LRP8: variants seen among roughly 807,000 people sequenced by gnomAD.
LRP8 encodes the protein LDL receptor related protein 8.
A neutral mutation model predicts 111.6 loss-of-function variants in LRP8; 46 were observed. The observed-to-expected ratio is 0.41, with a 90% CI of 0.33 to 0.53. LRP8 has a LOEUF of 0.53. Among genes scored for constraint, LRP8 ranks in the 20% least tolerant of loss-of-function variants. LRP8 has a pLI of 0.20. For synonymous variants in LRP8, 464 were observed against 511.2 expected (o/e 0.91, Z 1.24); for missense variants, 959 against 1,297.4 (o/e 0.74, Z 4.01).
chr1:53,262,689 C>A lies in LRP8; in HGVS notation c.1656-125G>T. The stretch of plus-strand genomic sequence containing the variant: ...TGTTTAGTAGGGACTGAGAAGACCT[C>A]TAAAGTTCTTTTGAACCATCAAATC... On this transcript the variant is annotated intron_variant, in intron 10 of 18. Coordinates refer to ENST00000306052, the MANE Select transcript of LRP8 (RefSeq NM_004631.5). This position sits in a 1 kb window ranked among gnomAD's most constrained non-coding sequence, Gnocchi z 4.8. 1.4e-6 allele frequency: 1 copy of A among 739,668 alleles called. No individual in the cohort carries two copies. Among genetic ancestry groups the A allele is most frequent in the Non-Finnish European group, 2.4e-6 (1 of 422,482 alleles). 45.8% of individuals were successfully genotyped at this position (739,668 alleles called of 1,614,324 possible).
intron 18 of LRP8, among the ~76,000 whole-genome samples, chr1:53,247,728 G>A (rs1335515266): frequency 6.6e-6 from 1 of 152,182 alleles, no homozygotes; most frequent in Non-Finnish European, 1.5e-5. Flanking sequence ...AAATTTGTTT[G>A]TTTATATCTT....
chr1:53,245,503 A>T lies in LRP8; in HGVS notation c.*1515T>A, dbSNP rs1471482374. ...TCTCCCTTCCTCCCCCAAGGCCAAG[A>T]AAAGCAAAGAAGATGTCTATAATGA... On this transcript the variant is annotated 3_prime_UTR_variant, in exon 19 of 19. Coordinates refer to ENST00000306052, the MANE Select transcript of LRP8 (RefSeq NM_004631.5). The T allele has an allele frequency of 6.6e-6, 1 of 152,252 alleles. No homozygotes were observed. The highest frequency in any genetic ancestry group is 1.9e-4 in the East Asian group (1 of 5,204). The allele number at this position is 152,252 out of a possible 1,614,324, so 9.4% of individuals were successfully genotyped here. A position where few individuals can be genotyped will look rare whatever the true frequency, so the allele number is the denominator to read the frequency against.
At chr1:53,247,137 G>T in intron 18 of LRP8, 81 bp from the exon 19 acceptor site, 1 of 1,122,010 alleles carries the variant, frequency 8.9e-7, no homozygotes, top group Non-Finnish European at 1.3e-6. Flanking sequence ...ACAGACTTAC[G>T]TTACTTTAAC....
intron 13 of LRP8, among the ~76,000 whole-genome samples, chr1:53,259,990 G>A (rs1242763446): frequency 2.0e-5 from 3 of 152,166 alleles, no homozygotes; most frequent in Non-Finnish European, 4.4e-5. Flanking sequence ...AGGATTCCTA[G>A]ATTCTATTCC....
chr1:53,264,097 A>G (rs1646452154), intron 10 of LRP8, 72 bp downstream of exon 10: 4 of 1,418,698 alleles, frequency 2.8e-6, no homozygotes, highest in Non-Finnish European at 3.9e-6. Context: ...CCCTCAAGAT[A>G]GCCCTTGTGA....
rs764704853 is a variant in LRP8 at position 53,257,403 on chromosome 1, G to A, written c.2271C>T (p.Thr757=). The A allele has an allele frequency of 6.2e-7, 1 of 1,614,042 alleles. No individual in the cohort carries two copies. The highest frequency in any genetic ancestry group is 1.1e-5 in the South Asian group (1 of 91,074). The part of the protein sequence containing the change: ...ASTMTRTVPA[T]TRAPGTTVHR... ...GGACGGTGGTCCCGGGGGCTCTTGTGGTGGCAGGTACTGTCCTCGTCATGG... is the reference window on the plus strand; with the variant it reads ...GGACGGTGGTCCCGGGGGCTCTTGTAGTGGCAGGTACTGTCCTCGTCATGG... The change falls in exon 15 of 19, where the codon ACC becomes ACT. Residue 757 remains threonine (T), a synonymous_variant. Coordinates refer to ENST00000306052, the MANE Select transcript of LRP8 (RefSeq NM_004631.5).
Position 53,300,014 on chromosome 1 carries a change from A to G in LRP8, c.245-10325T>C, listed in dbSNP as rs1383038134. On this transcript the variant is annotated intron_variant, in intron 2 of 18. Transcript: ENST00000306052. ...GTGGCTCCAGGGGCTACAAATCCAG[A>G]GCCAGTAGTCACTGTCCTACCAAAG... 4.6e-5 allele frequency among the ~76,000 whole-genome samples: 7 copies of G among 152,270 alleles called. No individual in the cohort carries two copies. The East Asian group carries it at 1.3e-3, about 29-fold the overall frequency.
chr1:53,316,828 A>G (rs1288476), intron 2 of LRP8, among the ~76,000 whole-genome samples: 77,060 of 152,166 alleles, frequency 0.51, 22,610 homozygotes, highest in African/African-American at 0.82. Context: ...CAGAGCACAC[A>G]TGGCCTGGGG....
At position 53,249,992 on chromosome 1, in the gene LRP8, T is replaced by C. The variant is rs1645844486; in HGVS notation, c.2677-436A>G. Among the ~76,000 whole-genome samples the C allele has an allele frequency of 6.6e-6, 1 of 152,204 alleles. No individual in the cohort carries two copies. Among genetic ancestry groups the C allele is most frequent in the Non-Finnish European group, 1.5e-5 (1 of 68,038 alleles). On this transcript the variant is annotated intron_variant, in intron 17 of 18. Coordinates refer to ENST00000306052, the MANE Select transcript of LRP8 (RefSeq NM_004631.5). This position sits in a 1 kb window ranked among gnomAD's most constrained non-coding sequence, Gnocchi z 4.1. ...ACCACTGAGTAAAAGACAAGTGGAC[T>C]ACAGTGTGACAGGGGCTGTGAGGTA...
chr1:53,272,485 G>T, intron 6 of LRP8: 1 of 971,972 alleles, frequency 1.0e-6, no homozygotes, highest in Non-Finnish European at 1.4e-6. Flanking sequence ...AAGCAGTGCT[G>T]AGCTGAGCCA....
rs372625716 is a variant in LRP8 at position 53,280,123 on chromosome 1, T to G, written c.496+464A>C. Among the ~76,000 whole-genome samples the G allele has an allele frequency of 2.0e-5, 3 of 152,082 alleles. No individual in the cohort carries two copies. The East Asian group carries it at 5.8e-4, about 29-fold the overall frequency. ...TCGTCCTTGACACCTCAGGAATCCG[T>G]CCCCCTCCCCCCAGCATTGCTGGCG... On this transcript the variant is annotated intron_variant, in intron 4 of 18. Coordinates refer to ENST00000306052, the MANE Select transcript of LRP8 (RefSeq NM_004631.5).
At chr1:53,302,388 G>A (rs541081052) in intron 2 of LRP8, among the ~76,000 whole-genome samples, 1 of 152,202 alleles carries the variant, frequency 6.6e-6, no homozygotes, top group Admixed American at 6.5e-5. Flanking sequence ...TCGGGCTCAC[G>A]TTAGACCGGA....
chr1:53,274,710 G>T, intron 6 of LRP8: 1 of 456,318 alleles, frequency 2.2e-6, no homozygotes, highest in Non-Finnish European at 4.4e-6. Context: ...CACACTTTCA[G>T]AAGCTCATCC....
intron 18 of LRP8, among the ~76,000 whole-genome samples, 185 bp from the exon 19 acceptor site, chr1:53,247,241 T>C (rs1045879683): frequency 4.6e-5 from 7 of 152,224 alleles, no homozygotes; most frequent in African/African-American, 9.6e-5. Context: ...TGAGCTTAAG[T>C]AGGGTTTGTT....
chr1:53,287,738 G>A (rs1194247319), intron 3 of LRP8, among the ~76,000 whole-genome samples: 1 of 152,182 alleles, frequency 6.6e-6, no homozygotes, highest in Non-Finnish European at 1.5e-5. Flanking sequence ...GGAGGCAGGA[G>A]GAATGAGGCA....
At chr1:53,326,272 TGGCCGGGGCGG>T (rs1460161166) in intron 2 of LRP8, among the ~76,000 whole-genome samples, 1 of 152,126 alleles carries the variant, frequency 6.6e-6, no homozygotes, top group African/African-American at 2.4e-5. Flanking sequence ...CGCGGGGGTG[TGGCCGGGGCGG>T]GGCCGGGGCA....
intron 2 of LRP8, among the ~76,000 whole-genome samples, chr1:53,322,360 C>T (rs1470974039): frequency 6.6e-6 from 1 of 152,106 alleles, no homozygotes; most frequent in African/African-American, 2.4e-5. Flanking sequence ...GGGAAGGCTT[C>T]CTAGAGGAGG....
At chr1:53,271,389 G>A (rs1194143055) in intron 6 of LRP8, 43 bp from the exon 7 acceptor site, 3 of 1,612,716 alleles carry the variant, frequency 1.9e-6, no homozygotes, top group South Asian at 1.1e-5. Flanking sequence ...GAGCCCAGGA[G>A]GAGTGGGGGC....
Position 53,266,715 on chromosome 1 carries a change from C to T in LRP8, c.1253-68G>A, listed in dbSNP as rs1386083893. The T allele has an allele frequency of 7.0e-7, 1 of 1,425,132 alleles. No individual in the cohort carries two copies. The highest frequency in any genetic ancestry group is 9.8e-7 in the Non-Finnish European group (1 of 1,016,202). The allele number at this position is 1,425,132 out of a possible 1,614,324, so 88.3% of individuals were successfully genotyped here. On this transcript the variant is annotated intron_variant, in intron 8 of 18. Transcript: ENST00000306052. The surrounding 1 kb of genome is among the most constrained non-coding windows in gnomAD (Gnocchi z 5.0). ...GGCAGGGAGCCTGGAGACCAAGACT[C>T]TGCCACTGGCTTGCTGGCTGACACA...
Sources: allele counts gnomAD v4.1 joint callset (sites outside exome capture counted in the v4.1 genomes callset), GRCh38; gene constraint gnomAD v4.1.1; non-coding constraint Gnocchi (gnomAD v3.1); transcripts MANE v1.5; gene names NCBI Gene and HGNC (gene_info 2026-07-23, HGNC 2026-07-21).